The following JPH3 variants were observed in gnomAD, a reference collection of about 807,000 sequenced individuals.
The protein encoded by JPH3 is junctophilin-3.
JPH3 carries 11 observed loss-of-function variants against 59.6 expected under a neutral mutation model. The ratio of observed to expected loss-of-function variants is 0.18; its 90% CI spans 0.12 to 0.31. The LOEUF (loss-of-function observed/expected upper bound fraction) is 0.31. Among genes scored for constraint, JPH3 ranks in the 10% least tolerant of loss-of-function variants. The pLI is 1.00. For synonymous variants in JPH3, 673 were observed against 483.6 expected (o/e 1.39, Z -5.14); for missense variants, 1,202 against 1,105.7 (o/e 1.09, Z -1.24).
chr16:87,637,101 T>C (rs1825726856), intron 1 of JPH3, among the ~76,000 whole-genome samples: 2 of 152,258 alleles, frequency 1.3e-5, no homozygotes, highest in Admixed American at 6.5e-5. Flanking sequence ...CCAGCCGTTC[T>C]TTTATCTTAG....
chr16:87,643,043 C>CT (rs1174042352), intron 1 of JPH3, among the ~76,000 whole-genome samples: 17 of 152,206 alleles, frequency 1.1e-4, no homozygotes, highest in Admixed American at 3.9e-4. Context: ...CTATTCAACA[C>CT]TGACCCCACA....
chr16:87,661,703 A>G (rs1027865742), intron 2 of JPH3, among the ~76,000 whole-genome samples: 5 of 152,248 alleles, frequency 3.3e-5, no homozygotes, highest in African/African-American at 7.2e-5. Context: ...GACCCGTCCA[A>G]GAGCAGGGTC....
intron 2 of JPH3, among the ~76,000 whole-genome samples, chr16:87,682,532 C>T (rs536821889): frequency 1.3e-5 from 2 of 152,142 alleles, no homozygotes; most frequent in Non-Finnish European, 2.9e-5. Context: ...CTTCTTCTAC[C>T]ATGTGAGCAC....
chr16:87,637,638 T>A (rs529119914), intron 1 of JPH3, among the ~76,000 whole-genome samples: 1 of 152,022 alleles, frequency 6.6e-6, no homozygotes, highest in South Asian at 2.1e-4. Flanking sequence ...TGCTCTCCTT[T>A]CCAGATCTGG....
intron 1 of JPH3, among the ~76,000 whole-genome samples, chr16:87,640,944 G>C (rs894279884): frequency 2.0e-5 from 3 of 152,210 alleles, no homozygotes; most frequent in Admixed American, 6.5e-5. Flanking sequence ...CCTTGGTAAA[G>C]GGCCACCCCC....
At chr16:87,647,092 G>C (rs2032177648) in intron 2 of JPH3, among the ~76,000 whole-genome samples, 1 of 152,156 alleles carries the variant, frequency 6.6e-6, no homozygotes. Flanking sequence ...GGTGGTAACA[G>C]CTCCCTTCCT....
rs192082514 is a variant in JPH3 at position 87,685,286 on chromosome 16, G to T, written c.1285+1020G>T. 7.7e-3 allele frequency among the ~76,000 whole-genome samples: 1,169 copies of T among 152,320 alleles called. 18 individuals are homozygous for T. The highest frequency in any genetic ancestry group is 0.027 in the African/African-American group (1,114 of 41,572). On this transcript the variant is annotated intron_variant, in intron 3 of 4. Coordinates refer to ENST00000284262, the MANE Select transcript of JPH3 (RefSeq NM_020655.4). ...GCTGCAGCCTGGAGGTCAGGAGGAC[G>T]AGCCCCCGCACCCCCACCGCCTTGG...
At chr16:87,695,188 T>C (rs2033769594) in intron 4 of JPH3, 6 of 381,668 alleles carry the variant, frequency 1.6e-5, no homozygotes, top group Non-Finnish European at 3.1e-5. Context: ...TTGTTCGGGC[T>C]CCCCTCCTTA....
intron 2 of JPH3, among the ~76,000 whole-genome samples, chr16:87,682,751 G>A (rs1040248609): frequency 2.6e-5 from 4 of 152,200 alleles, no homozygotes; most frequent in Non-Finnish European, 4.4e-5. Context: ...GAGTCTGCTC[G>A]GAGGGGGGAT....
intron 4 of JPH3, chr16:87,695,454 C>T (rs2033789941): frequency 2.2e-6 from 1 of 456,004 alleles, no homozygotes; most frequent in South Asian, 1.5e-5. Flanking sequence ...AAGTGGAGGG[C>T]TCCGGGGGCT....
intron 4 of JPH3, among the ~76,000 whole-genome samples, chr16:87,691,113 G>T (rs1396114687): frequency 1.4e-5 from 2 of 148,042 alleles, no homozygotes; most frequent in Non-Finnish European, 3.0e-5. Context: ...GTTCCTCCAG[G>T]GCAGGCAGCT....
intron 2 of JPH3, among the ~76,000 whole-genome samples, chr16:87,680,108 T>A (rs1338816947): frequency 6.6e-6 from 1 of 152,238 alleles, no homozygotes; most frequent in Non-Finnish European, 1.5e-5. Flanking sequence ...CAGGGTTGCC[T>A]TGGCAATGAC....
chr16:87,661,234 G>T (rs901061462), intron 2 of JPH3, among the ~76,000 whole-genome samples: 4 of 152,172 alleles, frequency 2.6e-5, no homozygotes, highest in African/African-American at 9.7e-5. Context: ...GGACCCTTGT[G>T]GTTCGGGGTC....
chr16:87,674,922 G>A lies in JPH3; in HGVS notation c.1161-9220G>A, dbSNP rs963416809. On this transcript the variant is annotated intron_variant, in intron 2 of 4. Coordinates refer to ENST00000284262, the MANE Select transcript of JPH3 (RefSeq NM_020655.4). ...ACTACAGGCGCCTGCCACCATGCCC[G>A]GCTAATTTTTGTATTTTTAGTAGAG... Among the ~76,000 whole-genome samples, 8 of 151,986 alleles carry A rather than the reference G, an allele frequency of 5.3e-5. No homozygotes were observed. The South Asian group carries it at 8.3e-4, about 16-fold the overall frequency.
intron 1 of JPH3, among the ~76,000 whole-genome samples, chr16:87,607,351 C>A (rs2030559667): frequency 6.6e-6 from 1 of 152,226 alleles, no homozygotes; most frequent in Non-Finnish European, 1.5e-5. Context: ...AAGCCTCTCC[C>A]CCTCATACTC....
chr16:87,639,012 G>A (rs2031850200), intron 1 of JPH3, among the ~76,000 whole-genome samples: 1 of 152,188 alleles, frequency 6.6e-6, no homozygotes, highest in Non-Finnish European at 1.5e-5. Flanking sequence ...TCAGGTGACA[G>A]CCCTGGGTTC....
intron 1 of JPH3, among the ~76,000 whole-genome samples, chr16:87,634,650 A>AG (rs1014798022): frequency 6.6e-6 from 1 of 152,010 alleles, no homozygotes; most frequent in African/African-American, 2.4e-5. Flanking sequence ...CTGTGACGGG[A>AG]GGGGGGCTCT....
chr16:87,614,520 A>G (rs545880060), intron 1 of JPH3, among the ~76,000 whole-genome samples: 10 of 111,016 alleles, frequency 9.0e-5, no homozygotes, highest in Admixed American at 7.1e-4. Flanking sequence ...ACGCAGGTCC[A>G]TGCACACAGG....
intron 4 of JPH3, among the ~76,000 whole-genome samples, chr16:87,691,699 C>T (rs1410782281): frequency 1.3e-5 from 2 of 152,150 alleles, no homozygotes; most frequent in Non-Finnish European, 1.5e-5. Context: ...GGAACCACTG[C>T]GGACGTCTGT....
Sources: allele counts gnomAD v4.1 joint callset (sites outside exome capture counted in the v4.1 genomes callset), GRCh38; gene constraint gnomAD v4.1.1; transcripts MANE v1.5; gene names NCBI Gene and HGNC (gene_info 2026-07-23, HGNC 2026-07-21).